NPFFR2: variants seen among roughly 807,000 people sequenced by gnomAD.
NPFFR2 encodes the protein neuropeptide FF receptor 2, also known as G-protein coupled receptor 74.
A neutral mutation model predicts 13.1 loss-of-function variants in NPFFR2; 15 were observed. The observed-to-expected ratio is 1.15, with a 90% CI of 0.77 to 1.76. NPFFR2 has a LOEUF of 1.76. Among genes scored for constraint, NPFFR2 ranks in the 40% most tolerant of loss-of-function variants. The probability of loss-of-function intolerance (pLI) is 0.00; values close to 1 mark genes in which losing one functional copy is unlikely to be tolerated. For missense variants in NPFFR2, 572 were observed against 503.5 expected (o/e 1.14, Z -1.30); for synonymous variants, 190 against 175.7 (o/e 1.08, Z -0.65).
chr4:72,032,470 C>T (rs778871615), intron 1 of NPFFR2, among the ~76,000 whole-genome samples: 1 of 152,232 alleles, frequency 6.6e-6, no homozygotes. Flanking sequence ...CTTTCTTCAC[C>T]TTAAAGTTCC....
intron 1 of NPFFR2, among the ~76,000 whole-genome samples, chr4:72,056,297 C>T (rs1310363467): frequency 1.3e-5 from 2 of 151,926 alleles, no homozygotes; most frequent in African/African-American, 4.8e-5. Context: ...TATACTCTGT[C>T]CATGCTCTAT....
At chr4:72,072,076 A>G (rs369849321) in intron 1 of NPFFR2, among the ~76,000 whole-genome samples, 2 of 152,108 alleles carry the variant, frequency 1.3e-5, no homozygotes, top group East Asian at 3.9e-4. Flanking sequence ...AAACAACAAC[A>G]AAAAAAGCAG....
chr4:72,146,305 T>G (rs1485627126), intron 3 of NPFFR2, among the ~76,000 whole-genome samples: 1 of 152,146 alleles, frequency 6.6e-6, no homozygotes, highest in Non-Finnish European at 1.5e-5. Context: ...CTACATGCCT[T>G]TCATCTAATT....
chr4:72,063,341 C>A (rs765410089), intron 1 of NPFFR2, among the ~76,000 whole-genome samples: 3 of 152,164 alleles, frequency 2.0e-5, no homozygotes, highest in Non-Finnish European at 4.4e-5. Context: ...TCATTCCTTG[C>A]ATTTTGCATT....
At chr4:72,127,351 A>ATTTTTT (rs1560419389) in intron 1 of NPFFR2, among the ~76,000 whole-genome samples, 1 of 123,388 alleles carries the variant, frequency 8.1e-6, no homozygotes, top group African/African-American at 3.4e-5. Flanking sequence ...ATTCTAAATA[A>ATTTTTT]TTTCTTTTCT....
chr4:72,102,753 T>C (rs1655600421), intron 1 of NPFFR2, among the ~76,000 whole-genome samples: 3 of 152,196 alleles, frequency 2.0e-5, no homozygotes, highest in Middle Eastern at 6.8e-3. Flanking sequence ...TGCCACATTT[T>C]CTTAATCCAG....
intron 1 of NPFFR2, chr4:72,068,838 G>GTT (rs35549647): frequency 2.2e-3 from 704 of 315,290 alleles, no homozygotes; most frequent in Non-Finnish European, 2.8e-3. Context: ...GAGGTTCTTA[G>GTT]TTTTTTTTTT....
chr4:72,127,863 C>A (rs532594932), intron 1 of NPFFR2, among the ~76,000 whole-genome samples: 5 of 151,764 alleles, frequency 3.3e-5, no homozygotes, highest in Non-Finnish European at 7.4e-5. Context: ...GTGGATCACT[C>A]GAACTCAGGA....
chr4:72,048,371 T>C (rs1719439650), intron 1 of NPFFR2, among the ~76,000 whole-genome samples: 1 of 152,132 alleles, frequency 6.6e-6, no homozygotes, highest in South Asian at 2.1e-4. Flanking sequence ...TTCTATGTTT[T>C]CCAATGATCA....
At chr4:72,050,677 C>T (rs545544971) in intron 1 of NPFFR2, among the ~76,000 whole-genome samples, 5 of 151,966 alleles carry the variant, frequency 3.3e-5, no homozygotes, top group Non-Finnish European at 5.9e-5. Flanking sequence ...GTTAGTTACA[C>T]ATGTATACAT....
chr4:72,101,387 A>G (rs570582048), intron 1 of NPFFR2, among the ~76,000 whole-genome samples: 3 of 151,924 alleles, frequency 2.0e-5, no homozygotes, highest in East Asian at 3.9e-4. Flanking sequence ...GGGTGAGACA[A>G]TTATTTATAT....
At position 72,119,683 on chromosome 4, in the gene NPFFR2, A is replaced by G. The variant is rs572536932; in HGVS notation, c.-7-8902A>G. 3.9e-5 allele frequency among the ~76,000 whole-genome samples: 6 copies of G among 152,270 alleles called. No individual in the cohort carries two copies. In the South Asian group the frequency reaches 1.2e-3, roughly 32 times the overall value. On this transcript the variant is annotated intron_variant, in intron 1 of 3. Coordinates refer to ENST00000308744, the MANE Select transcript of NPFFR2 (RefSeq NM_004885.3). ...ACCAGGGAAGTGCAAGGGGTTTGGG[A>G]AATCCCTCTCCTAGCCAAGGGAAGC...
intron 3 of NPFFR2, among the ~76,000 whole-genome samples, chr4:72,145,860 GA>G (rs1722765661): frequency 6.6e-6 from 1 of 152,042 alleles, no homozygotes. Flanking sequence ...TAGTTACTTT[GA>G]AAAAATATAA....
At chr4:72,052,900 A>G (rs1719630175) in intron 1 of NPFFR2, among the ~76,000 whole-genome samples, 1 of 151,948 alleles carries the variant, frequency 6.6e-6, no homozygotes, top group African/African-American at 2.4e-5. Context: ...ATAATAACTT[A>G]ACTCTTTCAA....
intron 1 of NPFFR2, among the ~76,000 whole-genome samples, chr4:72,038,258 C>T (rs1719095000): frequency 6.6e-6 from 1 of 152,174 alleles, no homozygotes; most frequent in East Asian, 1.9e-4. Context: ...TGTGTCAAAG[C>T]CCACTTGCTA....
chr4:72,133,542 A>G (rs1405579821), intron 2 of NPFFR2, among the ~76,000 whole-genome samples: 1 of 152,182 alleles, frequency 6.6e-6, no homozygotes, highest in Non-Finnish European at 1.5e-5. Flanking sequence ...AGTTCTGTAA[A>G]GAATGTCATT....
intron 1 of NPFFR2, among the ~76,000 whole-genome samples, chr4:72,123,222 T>C (rs954211017): frequency 1.3e-5 from 2 of 152,196 alleles, no homozygotes; most frequent in Non-Finnish European, 2.9e-5. Flanking sequence ...CAGGAAGAAG[T>C]TGAATCCCTG....
Position 72,147,115 on chromosome 4 carries a change from A to G in NPFFR2, c.566A>G (p.Tyr189Cys), listed in dbSNP as rs143977785. ...ATGTTACATGTGCAAGAAGAAAAAT[A>G]TTACCGAGTGAGACTCAACTCCCAG... Reference protein sequence around the residue: ...AVMLHVQEEKYYRVRLNSQNK... With the variant: ...AVMLHVQEEKCYRVRLNSQNK... The change falls in exon 4 of 4, where the codon TAT becomes TGT. Residue 189 changes from tyrosine (Y) to cysteine (C), a missense_variant. Coordinates refer to ENST00000308744, the MANE Select transcript of NPFFR2 (RefSeq NM_004885.3). 6.2e-7 allele frequency: 1 copy of G among 1,614,106 alleles called. No individual in the cohort carries two copies. The highest frequency in any genetic ancestry group is 8.5e-7 in the Non-Finnish European group (1 of 1,180,012).
intron 1 of NPFFR2, among the ~76,000 whole-genome samples, chr4:72,049,357 G>C (rs1159222311): frequency 1.3e-5 from 2 of 152,108 alleles, no homozygotes; most frequent in East Asian, 3.9e-4. Flanking sequence ...AGACATATAT[G>C]TGTTCCACTA....
Sources: gnomAD v4.1 joint callset for allele counts (sites outside exome capture counted in the v4.1 genomes callset) on GRCh38, gnomAD v4.1.1 for gene constraint, MANE v1.5 for transcripts, NCBI Gene and HGNC (gene_info 2026-07-23, HGNC 2026-07-21) for gene names.